Variants in IGSF21 observed in about 807,000 individuals in gnomAD.
IGSF21 encodes the protein immunoglobulin superfamily member 21.
Under a neutral mutation model 46.8 loss-of-function variants are expected in IGSF21, and 28 were observed. The ratio of observed to expected loss-of-function variants is 0.60; its 90% CI spans 0.44 to 0.82. The LOEUF (loss-of-function observed/expected upper bound fraction) is 0.82. IGSF21 is among the 40% of genes least tolerant of loss of function. The pLI, the probability that IGSF21 is intolerant of heterozygous loss-of-function variation, is 0.00. For synonymous variants in IGSF21, 284 were observed against 273.6 expected (o/e 1.04, Z -0.38); for missense variants, 624 against 665.5 (o/e 0.94, Z 0.69).
At chr1:18,140,886 C>T (rs1226067424) in intron 1 of IGSF21, among the ~76,000 whole-genome samples, 1 of 152,206 alleles carries the variant, frequency 6.6e-6, no homozygotes, top group Non-Finnish European at 1.5e-5. Flanking sequence ...TCTTTGCTGC[C>T]CAGCTCTCTG....
At chr1:18,340,426 T>G (rs2085820701) in intron 4 of IGSF21, among the ~76,000 whole-genome samples, 1 of 152,186 alleles carries the variant, frequency 6.6e-6, no homozygotes, top group African/African-American at 2.4e-5. Flanking sequence ...CTATATGGAC[T>G]TCATTCATTC....
At chr1:18,135,732 A>G (rs2086362640) in intron 1 of IGSF21, among the ~76,000 whole-genome samples, 1 of 151,998 alleles carries the variant, frequency 6.6e-6, no homozygotes, top group Non-Finnish European at 1.5e-5. Flanking sequence ...ACGTGTGCAT[A>G]TGTCTTTATA....
chr1:18,167,822 G>A (rs2086694139), intron 1 of IGSF21: 1 of 152,168 alleles, frequency 6.6e-6, no homozygotes, highest in African/African-American at 2.4e-5. Context: ...AGCAAGTGCA[G>A]TTGTGTGGCC....
At chr1:18,159,098 G>A (rs1391001915) in intron 1 of IGSF21, among the ~76,000 whole-genome samples, 2 of 152,266 alleles carry the variant, frequency 1.3e-5, no homozygotes, top group Middle Eastern at 3.4e-3. Flanking sequence ...CCATCACATC[G>A]TGCTGTCACT....
chr1:18,326,422 T>C (rs2085658909), intron 3 of IGSF21, among the ~76,000 whole-genome samples: 2 of 152,184 alleles, frequency 1.3e-5, no homozygotes, highest in Admixed American at 1.3e-4. Context: ...GGGGTGTGTT[T>C]AACCTACTTG....
intron 2 of IGSF21, among the ~76,000 whole-genome samples, chr1:18,232,173 T>A (rs2084633904): frequency 6.8e-6 from 1 of 146,320 alleles, no homozygotes; most frequent in South Asian, 2.2e-4. Context: ...TGTCCAGGCT[T>A]CATCTTCACA....
At chr1:18,373,040 CT>C (rs1467419298) in intron 6 of IGSF21, among the ~76,000 whole-genome samples, 1 of 152,178 alleles carries the variant, frequency 6.6e-6, no homozygotes, top group Admixed American at 6.5e-5. Flanking sequence ...TGTCCAGGAT[CT>C]TTTTCATTCC....
At chr1:18,359,993 T>C (rs901751578) in intron 4 of IGSF21, among the ~76,000 whole-genome samples, 3 of 152,192 alleles carry the variant, frequency 2.0e-5, no homozygotes, top group East Asian at 3.9e-4. Context: ...CTGAGCAAGT[T>C]GCTTCACCTC....
At chr1:18,215,674 G>GT (rs2084437183) in intron 1 of IGSF21, among the ~76,000 whole-genome samples, 1 of 152,190 alleles carries the variant, frequency 6.6e-6, no homozygotes. Flanking sequence ...AGTCAGGATG[G>GT]CTGTGGCTCA....
chr1:18,203,520 G>A (rs929265891), intron 1 of IGSF21, among the ~76,000 whole-genome samples: 2 of 152,202 alleles, frequency 1.3e-5, no homozygotes, highest in East Asian at 3.8e-4. Context: ...TGTTGGCCAG[G>A]TTGGCCTTGA....
chr1:18,292,058 T>C (rs956806292), intron 3 of IGSF21, 71 bp downstream of exon 3: 15 of 1,492,024 alleles, frequency 1.0e-5, no homozygotes, highest in Non-Finnish European at 1.4e-5. Flanking sequence ...CAGAGGGCAG[T>C]TCTCCAGCCC....
chr1:18,254,360 C>T (rs555072330), intron 2 of IGSF21, among the ~76,000 whole-genome samples: 517 of 29,038 alleles, frequency 0.018, 5 homozygotes, highest in Non-Finnish European at 0.021. Context: ...TGGCTCAAAA[C>T]CCTAACCCTA....
At chr1:18,163,401 A>T (rs2086646373) in intron 1 of IGSF21, among the ~76,000 whole-genome samples, 1 of 152,038 alleles carries the variant, frequency 6.6e-6, no homozygotes, top group African/African-American at 2.4e-5. Flanking sequence ...GGGTGGAGGG[A>T]GGAGTTAGTG....
intron 3 of IGSF21, among the ~76,000 whole-genome samples, chr1:18,325,250 G>C (rs76761585): frequency 0.1 from 15,841 of 152,246 alleles, 1,066 homozygotes; most frequent in Non-Finnish European, 0.15. Context: ...CTGTCCTCAA[G>C]GAATGTCCAT....
intron 5 of IGSF21, 118 bp downstream of exon 5, chr1:18,362,348 C>T: frequency 2.8e-6 from 2 of 718,656 alleles, no homozygotes; most frequent in East Asian, 2.7e-5. Flanking sequence ...CCAGGGCTGA[C>T]TCTGTCCCCA....
At chr1:18,193,484 G>T (rs1418674435) in intron 1 of IGSF21, among the ~76,000 whole-genome samples, 3 of 152,196 alleles carry the variant, frequency 2.0e-5, no homozygotes, top group Non-Finnish European at 4.4e-5. Flanking sequence ...GGAGCCAGGA[G>T]TGCCAGTCTG....
intron 1 of IGSF21, among the ~76,000 whole-genome samples, chr1:18,158,808 A>C (rs2086590144): frequency 6.6e-6 from 1 of 152,212 alleles, no homozygotes; most frequent in Non-Finnish European, 1.5e-5. Context: ...TTGAGAAATC[A>C]GGGAGGTTAT....
chr1:18,236,067 A>G (rs2084670126), intron 2 of IGSF21, among the ~76,000 whole-genome samples: 1 of 152,134 alleles, frequency 6.6e-6, no homozygotes, highest in Non-Finnish European at 1.5e-5. Context: ...CTATTTAATG[A>G]GACAGGGAGG....
At chr1:18,250,941 C>G (rs1052400599) in intron 2 of IGSF21, among the ~76,000 whole-genome samples, 1 of 152,052 alleles carries the variant, frequency 6.6e-6, no homozygotes, top group Non-Finnish European at 1.5e-5. Flanking sequence ...TAGAGAGTAA[C>G]TGGGGCTTCT....
Sources: gnomAD v4.1 joint callset for allele counts (sites outside exome capture counted in the v4.1 genomes callset) on GRCh38, gnomAD v4.1.1 for gene constraint, MANE v1.5 for transcripts, NCBI Gene and HGNC (gene_info 2026-07-23, HGNC 2026-07-21) for gene names.